Variants in LCP1 observed in about 807,000 individuals in gnomAD.
LCP1 encodes the protein plastin-2.
LCP1 carries 23 observed loss-of-function variants against 72.0 expected under a neutral mutation model. That is an observed-to-expected ratio of 0.32 (90% CI 0.23 to 0.45). LCP1 has a LOEUF of 0.45. LCP1 is among the 20% of genes least tolerant of loss of function. The pLI is 1.00. For missense variants in LCP1, 571 were observed against 748.3 expected (o/e 0.76, Z 2.76); for synonymous variants, 245 against 275.4 (o/e 0.89, Z 1.09).
intron 6 of LCP1, among the ~76,000 whole-genome samples, chr13:46,154,528 T>C (rs973621470): frequency 6.6e-6 from 1 of 152,226 alleles, no homozygotes; most frequent in Non-Finnish European, 1.5e-5. Context: ...AAAGATAAAT[T>C]GCTAAGGAAA....
chr13:46,158,629 G>C lies in LCP1; in HGVS notation c.251C>G (p.Thr84Arg), dbSNP rs764840874. The change falls in exon 4 of 16, where the codon ACA becomes AGA. Residue 84 changes from threonine (T) to arginine (R), a missense_variant. Transcript: ENST00000323076. ...TTTTCTAAAGGTCTTGGCAACATCT[G>C]TGCTTTTTAGGCCATGGAAAATCTG... is the stretch of plus-strand genomic sequence containing the variant. The part of the protein sequence containing the change: ...FIKIFHGLKS[T>R]DVAKTFRKAI... 6.2e-7 allele frequency: 1 copy of C among 1,614,174 alleles called. No homozygotes were observed. The highest frequency in any genetic ancestry group is 1.3e-5 in the African/African-American group (1 of 75,036).
chr13:46,154,341 G>C (rs2045787260), intron 6 of LCP1, among the ~76,000 whole-genome samples: 1 of 152,246 alleles, frequency 6.6e-6, no homozygotes, highest in East Asian at 1.9e-4. Flanking sequence ...CTTACTGCTG[G>C]TTACTATTCC....
intron 1 of LCP1, among the ~76,000 whole-genome samples, chr13:46,163,218 T>G (rs1208933196): frequency 6.6e-6 from 1 of 152,242 alleles, no homozygotes; most frequent in Admixed American, 6.5e-5. Flanking sequence ...GGGGAAAAGA[T>G]AGAGAAATCA....
At chr13:46,150,859 C>G in intron 8 of LCP1, 77 bp downstream of exon 8, 10 of 1,496,546 alleles carry the variant, frequency 6.7e-6, no homozygotes, top group Admixed American at 2.0e-5. Flanking sequence ...AGCCCCAAAT[C>G]TTTATCTTTT....
In LCP1 at chr13:46,146,962, A is replaced by T. The variant is rs763803335; in HGVS notation, c.1120T>A (p.Tyr374Asn). 6.2e-7 allele frequency: 1 copy of T among 1,614,006 alleles called. No individual in the cohort carries two copies. The highest frequency in any genetic ancestry group is 8.5e-7 in the Non-Finnish European group (1 of 1,180,008). ...TTCTCTGGTTTGTGCAGGGCAGGGT[A>T]TCTGTTAAAGAGGTTGGCAATAAAA... ...LAFIANLFNR[Y>N]PALHKPENQD... Residue 374 changes from tyrosine (Y) to asparagine (N), a missense_variant, in exon 10 of 16, where the codon TAC becomes AAC. Transcript: ENST00000323076.
chr13:46,166,292 G>A (rs948940046), intron 1 of LCP1, among the ~76,000 whole-genome samples: 5 of 152,206 alleles, frequency 3.3e-5, no homozygotes, highest in Non-Finnish European at 5.9e-5. Context: ...TAGAAAAGGT[G>A]ACCTGTCTAG....
At chr13:46,152,548 C>T (rs890781472) in intron 7 of LCP1, among the ~76,000 whole-genome samples, 1 of 152,150 alleles carries the variant, frequency 6.6e-6, no homozygotes, top group Non-Finnish European at 1.5e-5. Flanking sequence ...CAAGACTGAG[C>T]CCTATGCTCC....
At chr13:46,154,205 G>A (rs1346986727) in intron 6 of LCP1, among the ~76,000 whole-genome samples, 1 of 152,158 alleles carries the variant, frequency 6.6e-6, no homozygotes, top group Non-Finnish European at 1.5e-5. Context: ...CATTTTTAAA[G>A]TACACAAGGT....
chr13:46,176,965 A>G (rs951218711), intron 1 of LCP1, among the ~76,000 whole-genome samples: 2 of 152,124 alleles, frequency 1.3e-5, no homozygotes, highest in Admixed American at 1.3e-4. Flanking sequence ...AGATGCTGAA[A>G]TAAGAATCAA....
intron 1 of LCP1, among the ~76,000 whole-genome samples, chr13:46,160,054 A>G (rs997029317): frequency 3.9e-5 from 6 of 152,196 alleles, no homozygotes; most frequent in African/African-American, 1.4e-4. Context: ...TGGAATGCTC[A>G]TTCTTAGGAT....
At chr13:46,128,523 G>T (rs377127997) in intron 15 of LCP1, among the ~76,000 whole-genome samples, 1 of 152,042 alleles carries the variant, frequency 6.6e-6, no homozygotes, top group Admixed American at 6.5e-5. Flanking sequence ...GCTTGAACCC[G>T]GGAGGCGGAG....
intron 1 of LCP1, among the ~76,000 whole-genome samples, chr13:46,172,277 A>G (rs899528885): frequency 1.3e-5 from 2 of 152,196 alleles, no homozygotes; most frequent in Non-Finnish European, 2.9e-5. Context: ...TGAGGTCAGG[A>G]GTTCAAAACC....
intron 5 of LCP1, among the ~76,000 whole-genome samples, chr13:46,156,163 T>C (rs966877521): frequency 2.6e-5 from 4 of 152,244 alleles, no homozygotes; most frequent in African/African-American, 9.6e-5. Flanking sequence ...ATTAGACATC[T>C]AATGCTTTTG....
intron 11 of LCP1, 124 bp downstream of exon 11, chr13:46,144,318 T>G: frequency 2.7e-6 from 2 of 743,496 alleles, no homozygotes; most frequent in Admixed American, 5.0e-5. Context: ...ACTTGGCACT[T>G]TTTCCCCTTC....
intron 4 of LCP1, among the ~76,000 whole-genome samples, chr13:46,157,447 C>G (rs534633042): frequency 9.9e-5 from 15 of 151,862 alleles, no homozygotes; most frequent in Middle Eastern, 3.4e-3. Flanking sequence ...ATCTTTTTTT[C>G]CTAACAGTAA....
At chr13:46,173,970 A>T (rs147204682) in intron 1 of LCP1, among the ~76,000 whole-genome samples, 339 of 152,378 alleles carry the variant, frequency 2.2e-3, no homozygotes, top group African/African-American at 7.7e-3. Flanking sequence ...CCACTGGGCA[A>T]CATCTCCTCT....
intron 8 of LCP1, chr13:46,148,713 G>T: frequency 1.8e-6 from 1 of 556,488 alleles, no homozygotes; most frequent in Non-Finnish European, 2.5e-6. Flanking sequence ...ATATTATTCT[G>T]TTGTCTTTAG....
chr13:46,139,973 G>C (rs141028824), intron 13 of LCP1, among the ~76,000 whole-genome samples: 271 of 152,254 alleles, frequency 1.8e-3, no homozygotes, highest in Non-Finnish European at 3.1e-3. Context: ...CAGACAATAG[G>C]AAGCACAGGA....
chr13:46,136,610 T>C (rs1333920354), intron 13 of LCP1, among the ~76,000 whole-genome samples: 1 of 152,162 alleles, frequency 6.6e-6, no homozygotes. Flanking sequence ...ATATTTCTAG[T>C]TTGGAAAAGA....
Sources: gnomAD v4.1 joint callset for allele counts (sites outside exome capture counted in the v4.1 genomes callset) on GRCh38, gnomAD v4.1.1 for gene constraint, MANE v1.5 for transcripts, NCBI Gene and HGNC (gene_info 2026-07-23, HGNC 2026-07-21) for gene names.